The following MACROD2 variants were observed in gnomAD, a reference collection of about 807,000 sequenced individuals.
The protein encoded by MACROD2 is mono-ADP ribosylhydrolase 2.
In MACROD2, 36 loss-of-function variants were observed where a neutral mutation model predicts 70.4. That is an observed-to-expected ratio of 0.51 (90% CI 0.39 to 0.68). MACROD2 has a LOEUF of 0.68. MACROD2 is among the 30% of genes least tolerant of loss of function. MACROD2 has a pLI of 0.00. For missense variants in MACROD2, 496 were observed against 538.4 expected (o/e 0.92, Z 0.78); for synonymous variants, 172 against 178.8 (o/e 0.96, Z 0.30).
rs145389200 is a variant in MACROD2, at chr20:15,685,247, C to T, written c.646-177498C>T. 4.7e-4 allele frequency among the ~76,000 whole-genome samples: 71 copies of T among 152,204 alleles called. No homozygotes were observed. In the East Asian group the frequency reaches 0.012, roughly 27 times the overall value. The stretch of plus-strand genomic sequence containing the variant: ...GTTAAGAAACTCTAAATCTATACCA[C>T]GAGCATTTGAATTTTCTGGCATTTA... On this transcript the variant is annotated intron_variant, in intron 8 of 17. Coordinates refer to ENST00000684519, the MANE Select transcript of MACROD2 (RefSeq NM_001351661.2).
chr20:14,078,393 C>T (rs1056704660), intron 2 of MACROD2, among the ~76,000 whole-genome samples: 5 of 152,044 alleles, frequency 3.3e-5, no homozygotes, highest in African/African-American at 7.2e-5. Flanking sequence ...AAATCAAATT[C>T]TAAATGAATT....
chr20:14,838,218 A>G (rs2073051212), intron 5 of MACROD2, among the ~76,000 whole-genome samples: 1 of 152,126 alleles, frequency 6.6e-6, no homozygotes, highest in African/African-American at 2.4e-5. Flanking sequence ...GTGCCCAGAA[A>G]GATGTTGCAA....
At chr20:14,871,352 T>C (rs1478905241) in intron 5 of MACROD2, among the ~76,000 whole-genome samples, 4 of 151,924 alleles carry the variant, frequency 2.6e-5, no homozygotes, top group Admixed American at 6.6e-5. Context: ...CCAGAAGAGA[T>C]TGAGGGCCAA....
intron 5 of MACROD2, among the ~76,000 whole-genome samples, chr20:14,816,419 C>T (rs901866815): frequency 2.0e-5 from 3 of 151,988 alleles, no homozygotes; most frequent in Admixed American, 1.3e-4. Context: ...GGCCCAGATC[C>T]ATGAAGGTAT....
chr20:15,685,699 C>T (rs1327788739), intron 8 of MACROD2, among the ~76,000 whole-genome samples: 1 of 152,234 alleles, frequency 6.6e-6, no homozygotes, highest in Non-Finnish European at 1.5e-5. Context: ...TTCCCTTCCA[C>T]TACTGCCTGG....
At chr20:14,647,384 C>A (rs1259740633) in intron 4 of MACROD2, among the ~76,000 whole-genome samples, 1 of 152,044 alleles carries the variant, frequency 6.6e-6, no homozygotes, top group South Asian at 2.1e-4. Context: ...TTTTTGGGTA[C>A]ACATGTAAAA....
intron 6 of MACROD2, among the ~76,000 whole-genome samples, chr20:15,318,745 G>A (rs559794762): frequency 6.6e-6 from 1 of 152,124 alleles, no homozygotes; most frequent in Non-Finnish European, 1.5e-5. Context: ...TGCAGAAAAA[G>A]AATTTGACAC....
intron 6 of MACROD2, among the ~76,000 whole-genome samples, chr20:15,381,020 A>C (rs1221489403): frequency 6.6e-6 from 1 of 152,204 alleles, no homozygotes; most frequent in African/African-American, 2.4e-5. Context: ...CATGTTTATC[A>C]GTTCCAACTA....
intron 2 of MACROD2, among the ~76,000 whole-genome samples, chr20:14,030,409 T>C (rs966230807): frequency 1.3e-5 from 2 of 152,064 alleles, no homozygotes; most frequent in Non-Finnish European, 2.9e-5. Context: ...TATTTTTTAA[T>C]TTAATTTCTT....
intron 2 of MACROD2, among the ~76,000 whole-genome samples, chr20:14,044,612 C>T (rs940838352): frequency 1.3e-5 from 2 of 152,122 alleles, no homozygotes; most frequent in Non-Finnish European, 2.9e-5. Flanking sequence ...AAGTTCTCCA[C>T]GTCCCCACTA....
rs6034278 is a variant in MACROD2, at chr20:15,750,914, T to C, written c.646-111831T>C. On this transcript the variant is annotated intron_variant, in intron 8 of 17. Transcript: ENST00000684519. ...CAACAACAGAAAATATTTTAAGAGG[T>C]GTTTTTTTGTTTGTTTGTTTTTTGT... Among the ~76,000 whole-genome samples the C allele has an allele frequency of 9.8e-3, 1,468 of 149,124 alleles. 26 individuals carry two copies. The highest frequency in any genetic ancestry group is 0.034 in the African/African-American group (1,382 of 41,102).
intron 4 of MACROD2, among the ~76,000 whole-genome samples, chr20:14,580,985 C>T (rs1980976884): frequency 6.6e-6 from 1 of 152,172 alleles, no homozygotes; most frequent in Non-Finnish European, 1.5e-5. Context: ...ACCTGGCAGT[C>T]CACTGTGAGA....
intron 6 of MACROD2, among the ~76,000 whole-genome samples, chr20:15,380,255 T>G (rs762594459): frequency 6.6e-6 from 1 of 152,128 alleles, no homozygotes; most frequent in African/African-American, 2.4e-5. Context: ...TGTAGCAGGA[T>G]GTTAGAATGA....
intron 3 of MACROD2, among the ~76,000 whole-genome samples, chr20:14,240,424 A>T (rs2081918596): frequency 1.3e-5 from 2 of 152,236 alleles, no homozygotes; most frequent in African/African-American, 4.8e-5. Flanking sequence ...AATTGCAAAG[A>T]CATGGAATTA....
chr20:15,985,376 A>G (rs1047218430), intron 13 of MACROD2, among the ~76,000 whole-genome samples: 1 of 152,144 alleles, frequency 6.6e-6, no homozygotes, highest in Non-Finnish European at 1.5e-5. Flanking sequence ...CAAAACCAAA[A>G]CCAAAGTATC....
intron 3 of MACROD2, among the ~76,000 whole-genome samples, chr20:14,169,623 A>C (rs2148723246): frequency 6.6e-6 from 1 of 152,012 alleles, no homozygotes. Context: ...TCTTTTAAAA[A>C]ATTTTCTGAT....
At chr20:14,169,910 C>G (rs531747032) in intron 3 of MACROD2, among the ~76,000 whole-genome samples, 51 of 151,756 alleles carry the variant, frequency 3.4e-4, no homozygotes, top group African/African-American at 1.2e-3. Context: ...TTTTATCCCC[C>G]CAAGACAGAG....
intron 6 of MACROD2, among the ~76,000 whole-genome samples, chr20:15,299,158 G>A (rs963908577): frequency 1.3e-5 from 2 of 152,130 alleles, no homozygotes; most frequent in South Asian, 2.1e-4. Flanking sequence ...GAAAAGGCAG[G>A]TAAATAATGT....
At chr20:14,165,192 T>TGGAGCAATACTATTGCACA (rs1601300460) in intron 3 of MACROD2, among the ~76,000 whole-genome samples, 2 of 152,176 alleles carry the variant, frequency 1.3e-5, no homozygotes, top group African/African-American at 4.8e-5. Flanking sequence ...GAGCTCTCTC[T>TGGAGCAATACTATTGCACA]GGAGCAATAC....
Sources: gnomAD v4.1 joint callset for allele counts (sites outside exome capture counted in the v4.1 genomes callset) on GRCh38, gnomAD v4.1.1 for gene constraint, MANE v1.5 for transcripts, NCBI Gene and HGNC (gene_info 2026-07-23, HGNC 2026-07-21) for gene names.